SIGLEC5: variants seen among roughly 807,000 people sequenced by gnomAD.
The protein encoded by SIGLEC5 is sialic acid binding Ig like lectin 5, also known as sialic acid-binding Ig-like lectin 5.
Under a neutral mutation model 45.9 loss-of-function variants are expected in SIGLEC5, and 34 were observed. The observed-to-expected ratio is 0.74, with a 90% CI of 0.56 to 0.99. The LOEUF (loss-of-function observed/expected upper bound fraction) is 0.99, where lower values mean the gene tolerates loss of function less well. SIGLEC5 is among the 50% of genes least tolerant of loss of function. The pLI is 0.00. For missense variants in SIGLEC5, 508 were observed against 629.6 expected, an observed-to-expected ratio of 0.81 and a Z score of 2.07; for synonymous variants, 203 against 258.6, an observed-to-expected ratio of 0.79 and a Z score of 2.06.
At position 51,627,246 on chromosome 19, in the gene SIGLEC5, T is replaced by C. The variant is rs767189409; in HGVS notation, c.1285A>G (p.Arg429Gly). 4 of 1,613,798 alleles carry C rather than the reference T, an allele frequency of 2.5e-6. No homozygotes were observed. The highest frequency in any genetic ancestry group is 1.7e-5 in the Admixed American group (1 of 60,006). ...ACCACTCCTGTCCCGAGGTTCGATCTCCCTGCAGAAAAGAGGGGCGTGCAA... is the reference window on the plus strand; with the variant it reads ...ACCACTCCTGTCCCGAGGTTCGATCCCCCTGCAGAAAAGAGGGGCGTGCAA... ...QSGSVLLLQG[R>G]SNLGTGVVPA... Residue 429 changes from arginine to glycine, a missense_variant and splice_region_variant, in exon 7 of 9, where the codon AGA becomes GGA. Physicochemically the swap from Arg to Gly is moderately radical, Grantham distance 125. Transcript: ENST00000683636.
At chr19:51,628,723 G>C (rs1291067632) in intron 4 of SIGLEC5, among the ~76,000 whole-genome samples, 1 of 150,276 alleles carries the variant, frequency 6.7e-6, no homozygotes, top group East Asian at 2.0e-4. Context: ...ATATGTGTGT[G>C]GTGTGTGTGC....
intron 8 of SIGLEC5, chr19:51,621,442 G>C (rs1350246451): frequency 6.6e-6 from 1 of 152,204 alleles, no homozygotes; most frequent in Non-Finnish European, 1.5e-5. Flanking sequence ...GATTATTCAG[G>C]ACAGTGGGTC....
At chr19:51,622,809 G>A (rs924819405) in intron 8 of SIGLEC5, among the ~76,000 whole-genome samples, 2 of 152,190 alleles carry the variant, frequency 1.3e-5, no homozygotes, top group Non-Finnish European at 2.9e-5. Flanking sequence ...TACTCTCTAT[G>A]TCCATCAGTT....
In SIGLEC5 at chr19:51,628,092, C is replaced by T. The variant is rs1600105016; in HGVS notation, c.740-1G>A. ...GAGGTGTTTTGCAGGATCTCTAGGG[C>T]TTTGGGGAGAGAAGGGTGGGGAAAG... On this transcript the variant is annotated splice_acceptor_variant, in intron 4 of 8. Transcript: ENST00000683636. LOFTEE classifies it high-confidence loss of function. The T allele has an allele frequency of 6.6e-7, 1 of 1,517,246 alleles. No homozygotes were observed. Among genetic ancestry groups the T allele is most frequent in the South Asian group, 1.3e-5 (1 of 75,590 alleles). The allele number at this position is 1,517,246 out of a possible 1,614,324, so 94.0% of individuals were successfully genotyped here. A position where few individuals can be genotyped will look rare whatever the true frequency, so the allele number is the denominator to read the frequency against.
At position 51,627,899 on chromosome 19, in the gene SIGLEC5, C is replaced by T. The variant is rs1391766269; in HGVS notation, c.932G>A (p.Gly311Asp). 1 of 1,613,772 alleles carries T rather than the reference C, an allele frequency of 6.2e-7. No homozygotes were observed. Among genetic ancestry groups the T allele is most frequent in the Non-Finnish European group, 8.5e-7 (1 of 1,179,902 alleles). Residue 311 changes from glycine to aspartate, a missense_variant, in exon 5 of 9, where the codon GGC becomes GAC. Gly to Asp is a moderately conservative substitution (Grantham distance 94, BLOSUM62 -1). Around this residue, in one of 2 missense-constraint regions of SIGLEC5, gnomAD observed 431 missense variants for 428.8 expected, o/e 1.01. Coordinates refer to ENST00000683636, the MANE Select transcript of SIGLEC5 (RefSeq NM_003830.4). ...CGGGTGCTGAGCGCGGCAGGTGAAG[C>T]CTCCTTCTTCTGCAGACCTTACTCG... The part of the protein sequence containing the change: ...LRRVRSAEEG[G>D]FTCRAQHPLG...
intron 8 of SIGLEC5, among the ~76,000 whole-genome samples, chr19:51,618,900 G>T (rs1329493401): frequency 6.6e-6 from 1 of 150,986 alleles, no homozygotes; most frequent in Non-Finnish European, 1.5e-5. Flanking sequence ...TAAAATATAT[G>T]GTTTTAATTT....
At chr19:51,625,846 A>G (rs1983457200) in intron 8 of SIGLEC5, among the ~76,000 whole-genome samples, 186 bp downstream of exon 8, 1 of 152,120 alleles carries the variant, frequency 6.6e-6, no homozygotes, top group South Asian at 2.1e-4. Context: ...CAAACAAACA[A>G]ACAAACAAAA....
intron 3 of SIGLEC5, 112 bp downstream of exon 3, chr19:51,629,246 T>C (rs1983631885): frequency 2.6e-6 from 4 of 1,565,492 alleles, no homozygotes; most frequent in East Asian, 4.5e-5. Context: ...TCTCAAGTTA[T>C]TGTTTTGTTT....
chr19:51,628,335 G>T (rs1983583828), intron 4 of SIGLEC5, among the ~76,000 whole-genome samples: 2 of 152,176 alleles, frequency 1.3e-5, no homozygotes, highest in Non-Finnish European at 1.5e-5. Flanking sequence ...CTGTGGTGGA[G>T]AGAGGACAGA....
chr19:51,614,097 C>G (rs1265606859), intron 8 of SIGLEC5, among the ~76,000 whole-genome samples: 2 of 152,194 alleles, frequency 1.3e-5, no homozygotes, highest in African/African-American at 4.8e-5. Context: ...CCCTACCCAT[C>G]ACGCTATGGA....
chr19:51,627,664 G>A lies in SIGLEC5; in HGVS notation c.1080C>T (p.Ala360=), dbSNP rs1983543828. 1.2e-6 allele frequency: 2 copies of A among 1,610,964 alleles called. No individual in the cohort carries two copies. The highest frequency in any genetic ancestry group is 1.3e-5 in the African/African-American group (1 of 74,880). The stretch of plus-strand genomic sequence containing the variant: ...CCTCAAGCCGCCAGCACAGGGAGGG[G>A]GCCGGCCGGGCTCGAAAGGAGCATC... ...HCRCSFRARP[A]PSLCWRLEEK... is the part of the protein sequence containing the mutation. The change falls in exon 6 of 9, where the codon GCC becomes GCT. Residue 360 remains alanine (A), a synonymous_variant. Transcript: ENST00000683636.
Position 51,628,099 on chromosome 19 carries a change from G to A in SIGLEC5, c.740-8C>T. 2 of 1,511,462 alleles carry A rather than the reference G, an allele frequency of 1.3e-6. No individual in the cohort carries two copies. The highest frequency in any genetic ancestry group is 1.8e-6 in the Non-Finnish European group (2 of 1,129,212). 93.6% of individuals were successfully genotyped at this position (1,511,462 alleles called of 1,614,324 possible). On this transcript the variant is annotated splice_polypyrimidine_tract_variant and splice_region_variant and intron_variant, in intron 4 of 8. Transcript: ENST00000683636. The stretch of plus-strand genomic sequence containing the variant: ...TTTGCAGGATCTCTAGGGCTTTGGG[G>A]AGAGAAGGGTGGGGAAAGAGAGATG...
Position 51,612,432 on chromosome 19 carries a change from G to T in SIGLEC5, c.1465-10C>A. 1.3e-6 allele frequency: 2 copies of T among 1,594,822 alleles called. No homozygotes were observed. Among genetic ancestry groups the T allele is most frequent in the Non-Finnish European group, 1.7e-6 (2 of 1,170,606 alleles). Reference sequence around the variant, plus strand: ...GCTTCTTCCTGGAACCCTGAGTAAAGGGGAAGGAAAGGTGTCACAGTAGGA... The same window carrying T: ...GCTTCTTCCTGGAACCCTGAGTAAATGGGAAGGAAAGGTGTCACAGTAGGA... On this transcript the variant is annotated splice_polypyrimidine_tract_variant and intron_variant, in intron 8 of 8. Coordinates refer to ENST00000683636, the MANE Select transcript of SIGLEC5 (RefSeq NM_003830.4).
intron 8 of SIGLEC5, 98 bp downstream of exon 8, chr19:51,625,934 C>T: frequency 1.1e-6 from 1 of 879,590 alleles, no homozygotes; most frequent in Non-Finnish European, 1.9e-6. Flanking sequence ...AGAGAACTCC[C>T]AGGTGATGAG....
chr19:51,627,928 A>T lies in SIGLEC5; in HGVS notation c.903T>A (p.Leu301=). 1 of 1,614,094 alleles carries T rather than the reference A, an allele frequency of 6.2e-7. No individual in the cohort carries two copies. Among genetic ancestry groups the T allele is most frequent in the South Asian group, 1.1e-5 (1 of 91,072 alleles). Reference sequence around the variant, plus strand: ...CTTCTTCTGCAGACCTTACTCGACGAAGCTCCAAGATCCCGGTATTGGAGA... The same window carrying T: ...CTTCTTCTGCAGACCTTACTCGACGTAGCTCCAAGATCCCGGTATTGGAGA... ...TPISNTGILE[L]RRVRSAEEGG... is the part of the protein sequence containing the mutation. The change falls in exon 5 of 9, where the codon CTT becomes CTA. Residue 301 remains leucine (L), a synonymous_variant. Transcript: ENST00000683636.
chr19:51,627,724 G>A lies in SIGLEC5; in HGVS notation c.1020C>T (p.Pro340=). Residue 340 remains proline (P), a synonymous_variant, in exon 6 of 9, where the codon CCC becomes CCT. Coordinates refer to ENST00000683636, the MANE Select transcript of SIGLEC5 (RefSeq NM_003830.4). Reference sequence around the variant, plus strand: ...GACCCTCAGCCTCCCAGGAGCAGGAGGGGCCCAGCAACTGTGGGAGGGCTG... The same window carrying A: ...GACCCTCAGCCTCCCAGGAGCAGGAAGGGCCCAGCAACTGTGGGAGGGCTG... ...SVYSLPQLLG[P]SCSWEAEGLH... is the part of the protein sequence containing the mutation. The A allele has an allele frequency of 6.3e-7, 1 of 1,591,940 alleles. No individual in the cohort carries two copies. Among genetic ancestry groups the A allele is most frequent in the Non-Finnish European group, 8.6e-7 (1 of 1,167,040 alleles).
intron 8 of SIGLEC5, among the ~76,000 whole-genome samples, chr19:51,614,354 C>G (rs1206317284): frequency 2.6e-5 from 4 of 152,144 alleles, no homozygotes; most frequent in African/African-American, 4.8e-5. Context: ...AGGTTGGTCT[C>G]AAACTCCTGG....
At position 51,627,547 on chromosome 19, in the gene SIGLEC5, G is replaced by A. The variant is rs1011645346; in HGVS notation, c.1197C>T (p.His399=). The A allele has an allele frequency of 4.3e-6, 7 of 1,613,962 alleles. No individual in the cohort carries two copies. The highest frequency in any genetic ancestry group is 2.2e-5 in the South Asian group (2 of 91,092). The part of the protein sequence containing the change: ...GPWANSSLIL[H]GGLSSDLKVS... ...CTTTGAGGTCGGAGCTGAGCCCCCC[G>A]TGGAGGATCAGGGAGCTGTTGGCCC... The change falls in exon 6 of 9, where the codon CAC becomes CAT. Residue 399 remains histidine, a synonymous_variant. Transcript: ENST00000683636.
At chr19:51,628,715 ATGTG>A (rs1232422698) in intron 4 of SIGLEC5, among the ~76,000 whole-genome samples, 2 of 142,562 alleles carry the variant, frequency 1.4e-5, no homozygotes, top group Admixed American at 1.4e-4. Flanking sequence ...GTGTGTGCAT[ATGTG>A]TGTGGTGTGT....
Sources: allele counts gnomAD v4.1 joint callset (sites outside exome capture counted in the v4.1 genomes callset), GRCh38; gene constraint gnomAD v4.1.1; regional missense constraint gnomAD v4.1.1; transcripts MANE v1.5; gene names NCBI Gene and HGNC (gene_info 2026-07-23, HGNC 2026-07-21).